The following GRIA2 variants were observed in gnomAD, a reference collection of about 807,000 sequenced individuals.
GRIA2 encodes glutamate ionotropic receptor AMPA type subunit 2.
GRIA2 carries 14 observed loss-of-function variants against 97.3 expected under a neutral mutation model. The ratio of observed to expected loss-of-function variants is 0.14; its 90% CI spans 0.10 to 0.23. GRIA2 has a LOEUF of 0.23. Ranked by LOEUF, GRIA2 falls within the 10% of genes least tolerant of loss-of-function variation. GRIA2 has a pLI of 1.00. For missense variants in GRIA2, 558 were observed against 1,069.8 expected, an observed-to-expected ratio of 0.52 and a Z score of 6.67; for synonymous variants, 412 against 387.8, an observed-to-expected ratio of 1.06 and a Z score of -0.73.
intron 2 of GRIA2, among the ~76,000 whole-genome samples, chr4:157,280,976 G>C (rs1390580629): frequency 6.6e-6 from 1 of 151,802 alleles, no homozygotes; most frequent in Non-Finnish European, 1.5e-5. Flanking sequence ...TCAATTAACA[G>C]TCTCAAAGTC....
rs200218586 is a variant in GRIA2 at position 157,221,713 on chromosome 4, A to G, written c.135A>G (p.Arg45=). The stretch of plus-strand genomic sequence containing the variant: ...CCGATCAAGAATACAGTGCATTTCG[A>G]GTAGGGATGGTTCAGTTTTCCACTT... ...RGADQEYSAF[R]VGMVQFSTSE... is the part of the protein sequence containing the mutation. The change falls in exon 2 of 16, where the codon CGA becomes CGG. Residue 45 remains arginine, a synonymous_variant. Transcript: ENST00000264426. 1.3e-4 allele frequency: 211 copies of G among 1,613,882 alleles called. No homozygotes were observed. The highest frequency in any genetic ancestry group is 1.7e-4 in the Non-Finnish European group (196 of 1,179,924).
intron 2 of GRIA2, among the ~76,000 whole-genome samples, chr4:157,277,892 A>ATATATG (rs1405290888): frequency 1.1e-3 from 82 of 72,990 alleles, no homozygotes; most frequent in African/African-American, 4.5e-3. Flanking sequence ...GTATATATGT[A>ATATATG]TATATATATG....
In GRIA2 at chr4:157,359,932, T is replaced by C. The variant is rs1736561956; in HGVS notation, c.2080T>C (p.Tyr694His). 1 of 1,613,714 alleles carries C rather than the reference T, an allele frequency of 6.2e-7. No homozygotes were observed. The highest frequency in any genetic ancestry group is 8.5e-7 in the Non-Finnish European group (1 of 1,179,698). ...KIAVFDKMWT[Y>H]MRSAEPSVFV... Reference sequence around the variant, plus strand: ...TGCAGTGTTTGATAAAATGTGGACCTACATGCGGAGTGCGGAGCCCTCTGT... The same window carrying C: ...TGCAGTGTTTGATAAAATGTGGACCCACATGCGGAGTGCGGAGCCCTCTGT... The change falls in exon 13 of 16, where the codon TAC becomes CAC. Residue 694 changes from tyrosine (Y) to histidine (H), a missense_variant. Tyr to His is a moderately conservative substitution (Grantham distance 83). Transcript: ENST00000264426.
At chr4:157,261,059 C>T (rs959100712) in intron 2 of GRIA2, among the ~76,000 whole-genome samples, 1 of 152,016 alleles carries the variant, frequency 6.6e-6, no homozygotes, top group African/African-American at 2.4e-5. Flanking sequence ...TCATGCTGCT[C>T]TAAAGGCATG....
chr4:157,229,480 A>G (rs1729904455), intron 2 of GRIA2, among the ~76,000 whole-genome samples: 1 of 152,180 alleles, frequency 6.6e-6, no homozygotes, highest in Non-Finnish European at 1.5e-5. Flanking sequence ...AGAACAAATA[A>G]ATTTAGGAGA....
At position 157,359,871 on chromosome 4, in the gene GRIA2, A is replaced by G. The variant is rs773263356; in HGVS notation, c.2044-25A>G. 58 of 1,609,564 alleles carry G rather than the reference A, an allele frequency of 3.6e-5. No individual in the cohort carries two copies. In the African/African-American group the frequency reaches 3.6e-4, roughly 10 times the overall value. Reference sequence around the variant, plus strand: ...TTTTTTAGGGCCATCTCTTAATGCTATCTGGCCCCTTACTTTTCCTGCAGA... The same window carrying G: ...TTTTTTAGGGCCATCTCTTAATGCTGTCTGGCCCCTTACTTTTCCTGCAGA... On this transcript the variant is annotated intron_variant, in intron 12 of 15. Coordinates refer to ENST00000264426, the MANE Select transcript of GRIA2 (RefSeq NM_001083619.3).
At chr4:157,235,531 T>C (rs550738211) in intron 2 of GRIA2, among the ~76,000 whole-genome samples, 1 of 152,076 alleles carries the variant, frequency 6.6e-6, no homozygotes, top group Admixed American at 6.6e-5. Context: ...ATTCAAAAAA[T>C]TGTAAAGAAA....
In GRIA2 at chr4:157,333,313, C is replaced by A. The variant is rs375789815; in HGVS notation, c.1115C>A (p.Thr372Lys). Residue 372 changes from threonine to lysine, a missense_variant, in exon 8 of 16, where the codon ACA (threonine) becomes AAA (lysine). Physicochemically the swap from Thr to Lys is moderately conservative, Grantham distance 78. This residue lies in a region of GRIA2 where 66 missense variants were observed against 118.7 expected (regional missense o/e 0.56). Transcript: ENST00000264426. ...FDQNGKRINY[T>K]INIMELKTNG... The stretch of plus-strand genomic sequence containing the variant: ...CAGAATGGAAAAAGAATAAACTATA[C>A]AATTAACATCATGGAGCTCAAAACT... 3.1e-6 allele frequency: 5 copies of A among 1,601,432 alleles called. No individual in the cohort carries two copies. Among genetic ancestry groups the A allele is most frequent in the Non-Finnish European group, 4.3e-6 (5 of 1,171,142 alleles).
At chr4:157,247,651 G>A (rs758988534) in intron 2 of GRIA2, among the ~76,000 whole-genome samples, 12 of 152,078 alleles carry the variant, frequency 7.9e-5, no homozygotes, top group African/African-American at 1.4e-4. Context: ...GGGTTATTTC[G>A]GGGGAGGCAG....
chr4:157,352,576 C>T (rs1048518364), intron 12 of GRIA2, among the ~76,000 whole-genome samples: 3 of 151,626 alleles, frequency 2.0e-5, no homozygotes, highest in Non-Finnish European at 4.4e-5. Context: ...AATAAATAGC[C>T]GGGTGTGGTG....
intron 2 of GRIA2, among the ~76,000 whole-genome samples, chr4:157,246,000 C>T (rs1730715036): frequency 6.6e-6 from 1 of 151,698 alleles, no homozygotes; most frequent in Non-Finnish European, 1.5e-5. Flanking sequence ...CAATTTTTTT[C>T]TGATAAAAAA....
Position 157,362,713 on chromosome 4 carries a change from C to T in GRIA2, c.2407-86C>T, listed in dbSNP as rs778401423. 2.5e-4 allele frequency: 283 copies of T among 1,127,186 alleles called. 1 individual carries two copies. Among genetic ancestry groups the T allele is most frequent in the Middle Eastern group, 6.2e-4 (3 of 4,866 alleles). 69.8% of individuals were successfully genotyped at this position (1,127,186 alleles called of 1,614,324 possible). ...ATGCATTCTGTGTGACTAGGTTGTT[C>T]CCGTGATAATGCTATGTGACATTGC... On this transcript the variant is annotated intron_variant, in intron 14 of 15. Transcript: ENST00000264426.
chr4:157,348,822 T>C (rs1033150987), intron 12 of GRIA2, among the ~76,000 whole-genome samples: 1 of 152,232 alleles, frequency 6.6e-6, no homozygotes, highest in Non-Finnish European at 1.5e-5. Context: ...ATATGAATTA[T>C]ATGCTTTTCA....
rs184893945 is a variant in GRIA2, at chr4:157,339,891, T to C, written c.1845-1373T>C. Among the ~76,000 whole-genome samples the C allele has an allele frequency of 2.6e-3, 392 of 152,064 alleles. 1 individual carries two copies. The highest frequency in any genetic ancestry group is 8.8e-3 in the African/African-American group (367 of 41,574). ...AATATATTTAATATCCTTTTCAGAA[T>C]ATATGTGAGAAGTGTTTAACTTTTT... On this transcript the variant is annotated intron_variant, in intron 11 of 15. Coordinates refer to ENST00000264426, the MANE Select transcript of GRIA2 (RefSeq NM_001083619.3).
chr4:157,311,050 C>T (rs1271014473), intron 3 of GRIA2, among the ~76,000 whole-genome samples: 7 of 151,844 alleles, frequency 4.6e-5, no homozygotes, highest in Non-Finnish European at 7.4e-5. Flanking sequence ...TCATTAATTC[C>T]GTAGGTGTTA....
At chr4:157,278,321 A>G (rs1326507818) in intron 2 of GRIA2, among the ~76,000 whole-genome samples, 4 of 151,946 alleles carry the variant, frequency 2.6e-5, no homozygotes, top group Non-Finnish European at 5.9e-5. Flanking sequence ...ATAGACTCAT[A>G]TAAGTATAGT....
chr4:157,348,585 A>G (rs1735865341), intron 12 of GRIA2, among the ~76,000 whole-genome samples: 1 of 152,134 alleles, frequency 6.6e-6, no homozygotes, highest in Non-Finnish European at 1.5e-5. Flanking sequence ...CAAATCAAGC[A>G]ATGACAAATA....
At chr4:157,345,959 C>T (rs1407098785) in intron 12 of GRIA2, among the ~76,000 whole-genome samples, 1 of 152,056 alleles carries the variant, frequency 6.6e-6, no homozygotes, top group Non-Finnish European at 1.5e-5. Flanking sequence ...TATTGCTCAG[C>T]ATTGTAGACT....
chr4:157,330,892 T>G (rs1735020673), intron 6 of GRIA2, among the ~76,000 whole-genome samples: 1 of 151,978 alleles, frequency 6.6e-6, no homozygotes, highest in South Asian at 2.1e-4. Context: ...ATGAAGCATT[T>G]GTTTTCAAAG....
Sources: allele counts gnomAD v4.1 joint callset (sites outside exome capture counted in the v4.1 genomes callset), GRCh38; gene constraint gnomAD v4.1.1; regional missense constraint gnomAD v4.1.1; transcripts MANE v1.5; gene names NCBI Gene and HGNC (gene_info 2026-07-23, HGNC 2026-07-21).